The following CANX variants were observed in gnomAD, a reference collection of about 807,000 sequenced individuals.
CANX encodes the protein calnexin, also known as epididymis secretory sperm binding protein.
In CANX, 14 loss-of-function variants were observed where a neutral mutation model predicts 75.7. The observed-to-expected ratio is 0.19, with a 90% confidence interval of 0.12 to 0.29. The LOEUF is 0.29. Among genes scored for constraint, CANX ranks in the 10% least tolerant of loss-of-function variants. The pLI is 1.00. For synonymous variants in CANX, 227 were observed against 236.9 expected (o/e 0.96, Z 0.38); for missense variants, 567 against 713.2 (o/e 0.79, Z 2.34).
chr5:179,689,382 T>TTTTTTG lies in CANX; in HGVS notation c.-4+10610_-4+10611insGTTTTT, dbSNP rs1776256251. On this transcript the variant is annotated intron_variant, in intron 1 of 14. Coordinates refer to the CANX transcript ENST00000681674. ...AGAAAGCTACAAAACCCAACAAGTT[T>TTTTTTG]TTTTTTTTTTTTTTTTTTTTTTGAG... Among the ~76,000 whole-genome samples, 3 of 139,622 alleles carry TTTTTTG rather than the reference T, an allele frequency of 2.1e-5. No homozygotes were observed. In the East Asian group the frequency reaches 6.3e-4, roughly 30 times the overall value. 91.6% of individuals were successfully genotyped at this position (139,622 alleles called of 152,430 possible). A position where few individuals can be genotyped will look rare whatever the true frequency, so the allele number is the denominator to read the frequency against.
In CANX at chr5:179,729,778, C is replaced by G. The variant is rs566013283; in HGVS notation, c.*1134C>G. The G allele has an allele frequency of 6.6e-6, 1 of 152,654 alleles. No homozygotes were observed. Among genetic ancestry groups the G allele is most frequent in the South Asian group, 2.1e-4 (1 of 4,828 alleles). The allele number at this position is 152,654 out of a possible 1,614,324, so 9.5% of individuals were successfully genotyped here. ...CCATTTCTTTTACTCTGTGTAAAGA[C>G]TTGAGAAGTCTAATTCACAGGCAAA... On this transcript the variant is annotated 3_prime_UTR_variant, in exon 15 of 15. Coordinates refer to ENST00000247461, the MANE Select transcript of CANX (RefSeq NM_001746.4).
rs141263995 is a variant in CANX, at chr5:179,715,593, C to A, written c.722-512C>A. ...TTTTATGGATTTAAAATTGTTTTTT[C>A]ATTCTCCATGGGAGTTAAAAAGTAG... On this transcript the variant is annotated intron_variant, in intron 7 of 14. Coordinates refer to ENST00000247461, the MANE Select transcript of CANX (RefSeq NM_001746.4). Among the ~76,000 whole-genome samples, 479 of 152,234 alleles carry A rather than the reference C, an allele frequency of 3.1e-3. 3 individuals carry two copies. Among genetic ancestry groups the A allele is most frequent in the South Asian group, 0.015 (71 of 4,824 alleles).
chr5:179,703,987 G>A (rs9329087), intron 1 of CANX, among the ~76,000 whole-genome samples: 145,980 of 152,154 alleles, frequency 0.96, 70,312 homozygotes, highest in East Asian at 1. Flanking sequence ...GATGTGAGGA[G>A]AAAAGGACAT....
intron 1 of CANX, among the ~76,000 whole-genome samples, chr5:179,682,064 A>G (rs1343774247): frequency 6.6e-6 from 1 of 151,970 alleles, no homozygotes; most frequent in African/African-American, 2.4e-5. Flanking sequence ...CTGCCTGACC[A>G]ACATGGTGAA....
At position 179,724,748 on chromosome 5, in the gene CANX, A is replaced by C; in HGVS notation, c.1610A>C (p.Lys537Thr). 6.2e-7 allele frequency: 1 copy of C among 1,612,030 alleles called. No individual in the cohort carries two copies. The highest frequency in any genetic ancestry group is 8.5e-7 in the Non-Finnish European group (1 of 1,178,220). ...GAAGAGAAGGAAGAGGAAAAGGACA[A>C]GGGAGATGAGGAGGAGGAAGGAGAA... ...EEEEKEEEKDKGDEEEEGEEK... is the reference protein window; with the variant it reads ...EEEEKEEEKDTGDEEEEGEEK... The change falls in exon 13 of 15, where the codon AAG becomes ACG. Residue 537 changes from lysine to threonine, a missense_variant. By Grantham distance (78) the Lys-to-Thr change is moderately conservative. Transcript: ENST00000247461.
In CANX at chr5:179,703,573, G is replaced by T. The variant is rs76487183; in HGVS notation, c.-3-2106G>T. The stretch of plus-strand genomic sequence containing the variant: ...CTACCTTAGCCTTCTTAGTATCTGG[G>T]ACAACAGGTGTGTGCTACCATACCT... On this transcript the variant is annotated intron_variant, in intron 1 of 14. Transcript: ENST00000247461. Among the ~76,000 whole-genome samples the T allele has an allele frequency of 6.4e-3, 973 of 151,850 alleles. 6 individuals are homozygous for T. Among genetic ancestry groups the T allele is most frequent in the African/African-American group, 0.023 (933 of 41,424 alleles).
intron 1 of CANX, among the ~76,000 whole-genome samples, chr5:179,692,906 G>C (rs1350723331): frequency 1.3e-5 from 2 of 152,094 alleles, no homozygotes; most frequent in African/African-American, 2.4e-5. Flanking sequence ...CAGCACTTTG[G>C]GAGGCCAAGG....
chr5:179,719,346 G>A (rs781199037), intron 8 of CANX, among the ~76,000 whole-genome samples: 17 of 152,058 alleles, frequency 1.1e-4, no homozygotes, highest in Non-Finnish European at 2.2e-4. Context: ...TTTCCCTGAT[G>A]GCTAATGATG....
Position 179,710,084 on chromosome 5 carries a change from T to C in CANX, c.721+19T>C. ...ACACTAAGTAAGAAAAAGCATTAGT[T>C]TGGGGGCTTATGGTATTACATATAT... On this transcript the variant is annotated intron_variant, in intron 7 of 14. Coordinates refer to ENST00000247461, the MANE Select transcript of CANX (RefSeq NM_001746.4). 1 of 1,420,320 alleles carries C rather than the reference T, an allele frequency of 7.0e-7. No individual in the cohort carries two copies. Among genetic ancestry groups the C allele is most frequent in the Non-Finnish European group, 9.8e-7 (1 of 1,016,796 alleles). 88.0% of individuals were successfully genotyped at this position (1,420,320 alleles called of 1,614,324 possible). A position where few individuals can be genotyped will look rare whatever the true frequency, so the allele number is the denominator to read the frequency against.
chr5:179,715,013 C>T (rs531941425), intron 7 of CANX, among the ~76,000 whole-genome samples: 2 of 151,344 alleles, frequency 1.3e-5, no homozygotes, highest in African/African-American at 2.4e-5. Context: ...GATCCACCTG[C>T]GTTAGCCTCC....
chr5:179,723,735 G>A lies in CANX; in HGVS notation c.1474G>A (p.Ala492Thr). ...WLWVVYILTVALPVFLVILFC... is the reference protein window; with the variant it reads ...WLWVVYILTVTLPVFLVILFC... The stretch of plus-strand genomic sequence containing the variant: ...GTGGGTAGTCTATATTCTAACTGTA[G>A]CCCTTCCTGTGTTCCTGGTTATCCT... The change falls in exon 12 of 15, where the codon GCC becomes ACC. Residue 492 changes from alanine to threonine, a missense_variant. Physicochemically the swap from Ala to Thr is moderately conservative, Grantham distance 58 (BLOSUM62 0). Coordinates refer to ENST00000247461, the MANE Select transcript of CANX (RefSeq NM_001746.4). The A allele has an allele frequency of 6.2e-7, 1 of 1,613,586 alleles. No homozygotes were observed. Among genetic ancestry groups the A allele is most frequent in the South Asian group, 1.1e-5 (1 of 91,054 alleles).
At chr5:179,723,980 C>T (rs1056515569) in intron 12 of CANX, among the ~76,000 whole-genome samples, 1 of 152,030 alleles carries the variant, frequency 6.6e-6, no homozygotes, top group African/African-American at 2.4e-5. Context: ...ATTTATAGCC[C>T]CTTGGTTGCT....
At chr5:179,686,093 T>G (rs1408097230) in intron 1 of CANX, among the ~76,000 whole-genome samples, 1 of 146,662 alleles carries the variant, frequency 6.8e-6, no homozygotes, top group Non-Finnish European at 1.5e-5. Flanking sequence ...ATGAAGTGGT[T>G]GTTCAAGTCT....
intron 1 of CANX, among the ~76,000 whole-genome samples, chr5:179,702,874 A>C (rs6601067): frequency 0.24 from 36,920 of 151,796 alleles, 4,868 homozygotes; most frequent in Non-Finnish European, 0.3. Context: ...GGTTCAAGCT[A>C]TTCTCCTGCC....
Position 179,726,758 on chromosome 5 carries a change from A to T in CANX, c.1724A>T (p.Glu575Val). 1.2e-6 allele frequency: 2 copies of T among 1,608,422 alleles called. No homozygotes were observed. Among genetic ancestry groups the T allele is most frequent in the Non-Finnish European group, 8.5e-7 (1 of 1,174,930 alleles). ...GAGGAAGACAGAAAACCTAAAGCAGAGGTAAAGGAAAGGGGTCACACATTT... is the reference window on the plus strand; with the variant it reads ...GAGGAAGACAGAAAACCTAAAGCAGTGGTAAAGGAAAGGGGTCACACATTT... ...QEEEDRKPKA[E>V]EDEILNRSPR... Residue 575 changes from glutamate to valine, a missense_variant and splice_region_variant, in exon 14 of 15, where the codon GAG becomes GTG. By Grantham distance (121) the Glu-to-Val change is moderately radical. This residue lies in a region of CANX where 167 missense variants were observed against 179.3 expected (regional missense o/e 0.93). Coordinates refer to ENST00000247461, the MANE Select transcript of CANX (RefSeq NM_001746.4).
chr5:179,678,661 C>T (rs550624803), exon 1 of CANX: 2 of 1,535,442 alleles, frequency 1.3e-6, no homozygotes, highest in Admixed American at 2.0e-5. Flanking sequence ...TCTTCCTCTG[C>T]CCGGCGCGCG....
intron 13 of CANX, 58 bp downstream of exon 13, chr5:179,724,841 C>A: frequency 6.5e-7 from 1 of 1,541,454 alleles, no homozygotes; most frequent in Admixed American, 2.0e-5. Flanking sequence ...TGTTGTTAAA[C>A]CTTTACAGTC....
At chr5:179,708,877 A>G (rs1581857463) in intron 5 of CANX, 101 bp from the exon 6 acceptor site, 1 of 650,842 alleles carries the variant, frequency 1.5e-6, no homozygotes, top group Non-Finnish European at 2.9e-6. Context: ...CATTTGACCT[A>G]TGATAAAACG....
At chr5:179,682,819 ATGTGG>A (rs1205913217) in intron 1 of CANX, among the ~76,000 whole-genome samples, 1 of 152,048 alleles carries the variant, frequency 6.6e-6, no homozygotes, top group Non-Finnish European at 1.5e-5. Flanking sequence ...AGTAATTTAG[ATGTGG>A]TGCTCGGTGA....
Sources: gnomAD v4.1 joint callset for allele counts (sites outside exome capture counted in the v4.1 genomes callset) on GRCh38, gnomAD v4.1.1 for gene constraint, gnomAD v4.1.1 regional missense constraint, MANE v1.5 for transcripts, NCBI Gene and HGNC (gene_info 2026-07-23, HGNC 2026-07-21) for gene names.